APBA2: variants seen among roughly 807,000 people sequenced by gnomAD.
APBA2 encodes amyloid beta precursor protein binding family A member 2, also known as amyloid-beta A4 precursor protein-binding family A member 2.
A neutral mutation model predicts 75.0 loss-of-function variants in APBA2; 30 were observed. That is an observed-to-expected ratio of 0.40 (90% CI 0.30 to 0.54). The LOEUF is 0.54. APBA2 is among the 20% of genes least tolerant of loss of function. APBA2 has a pLI of 0.49. For missense variants in APBA2, 801 were observed against 1,016.1 expected (o/e 0.79, Z 2.88); for synonymous variants, 444 against 409.6 (o/e 1.08, Z -1.01).
At chr15:28,920,598 G>A (rs996066020) in intron 1 of APBA2, among the ~76,000 whole-genome samples, 1 of 152,212 alleles carries the variant, frequency 6.6e-6, no homozygotes, top group Non-Finnish European at 1.5e-5. Context: ...GGGAATAAAT[G>A]TTTGGGTTTA....
chr15:29,027,040 C>A (rs2040257116), intron 3 of APBA2, among the ~76,000 whole-genome samples: 1 of 152,190 alleles, frequency 6.6e-6, no homozygotes, highest in Admixed American at 6.6e-5. Flanking sequence ...GTGCCATCTT[C>A]CCCTTTATGA....
At chr15:29,073,828 T>A (rs1478262965) in intron 4 of APBA2, among the ~76,000 whole-genome samples, 1 of 152,208 alleles carries the variant, frequency 6.6e-6, no homozygotes, top group East Asian at 1.9e-4. Flanking sequence ...CTGGATGATA[T>A]AAGGAACTAA....
chr15:29,074,748 A>C (rs573296173), intron 4 of APBA2, among the ~76,000 whole-genome samples, 173 bp from the exon 5 acceptor site: 1 of 152,126 alleles, frequency 6.6e-6, no homozygotes, highest in Non-Finnish European at 1.5e-5. Context: ...TGAAAATAGA[A>C]TATTAAGTGC....
intron 2 of APBA2, among the ~76,000 whole-genome samples, chr15:28,950,832 A>G (rs962405443): frequency 6.6e-6 from 1 of 152,152 alleles, no homozygotes; most frequent in African/African-American, 2.4e-5. Flanking sequence ...TTATTCAAAC[A>G]TTTACATCAA....
chr15:29,075,111 G>A (rs534053084), intron 5 of APBA2, 110 bp downstream of exon 5: 9 of 865,288 alleles, frequency 1.0e-5, no homozygotes, highest in East Asian at 5.3e-5. Flanking sequence ...CATCCCACCC[G>A]GTGCCTGGGG....
intron 2 of APBA2, among the ~76,000 whole-genome samples, chr15:28,945,348 C>T (rs2035484440): frequency 6.6e-6 from 1 of 152,082 alleles, no homozygotes; most frequent in Non-Finnish European, 1.5e-5. Context: ...CGCAGCTGTC[C>T]AAGGCGCAGG....
intron 3 of APBA2, among the ~76,000 whole-genome samples, chr15:29,017,397 C>CT (rs56993296): frequency 0.026 from 2,648 of 102,040 alleles, 123 homozygotes; most frequent in Non-Finnish European, 0.037. Flanking sequence ...TTCTTTCTTT[C>CT]TTTTTTTTTT....
intron 7 of APBA2, 115 bp downstream of exon 7, chr15:29,093,335 A>G: frequency 6.8e-7 from 1 of 1,464,832 alleles, no homozygotes; most frequent in Non-Finnish European, 9.3e-7. Context: ...AGCCCTCAGC[A>G]CAGGGGGCAG....
intron 6 of APBA2, among the ~76,000 whole-genome samples, chr15:29,081,977 G>A (rs1219019589): frequency 1.3e-5 from 2 of 152,334 alleles, no homozygotes; most frequent in African/African-American, 2.4e-5. Flanking sequence ...GGGGGACAGC[G>A]TACGCTGCTG....
intron 4 of APBA2, among the ~76,000 whole-genome samples, chr15:29,072,197 T>G (rs1317014924): frequency 6.6e-6 from 1 of 152,154 alleles, no homozygotes; most frequent in East Asian, 1.9e-4. Context: ...GTGGGCTGGT[T>G]GATTTCTTTG....
At chr15:29,031,941 T>G (rs544542228) in intron 3 of APBA2, among the ~76,000 whole-genome samples, 4 of 152,356 alleles carry the variant, frequency 2.6e-5, no homozygotes, top group African/African-American at 9.6e-5. Context: ...CAGGATGCTG[T>G]CTTGATACTG....
Position 28,995,750 on chromosome 15 carries a change from CA to C in APBA2, c.-94-2del, listed in dbSNP as rs1227285128. 4 of 152,102 alleles carry C rather than the reference CA, an allele frequency of 2.6e-5. No homozygotes were observed. Among genetic ancestry groups the C allele is most frequent in the African/African-American group, 9.7e-5 (4 of 41,398 alleles). 9.4% of individuals were successfully genotyped at this position (152,102 alleles called of 1,614,324 possible). The stretch of plus-strand genomic sequence containing the variant: ...TTCTCTGTTTTCTTCTGCTTTATTC[CA>C]GAAAGATTTGATCACCAGGAGATTT... On this transcript the variant is annotated splice_acceptor_variant, in intron 2 of 14. Transcript: ENST00000683413. LOFTEE classifies it low-confidence loss of function (5UTR_SPLICE).
At chr15:29,081,277 G>A (rs1041682351) in intron 6 of APBA2, among the ~76,000 whole-genome samples, 2 of 152,166 alleles carry the variant, frequency 1.3e-5, no homozygotes, top group Admixed American at 6.5e-5. Flanking sequence ...GGGGATGGAC[G>A]GGAGGAAGGT....
At chr15:28,942,219 C>T (rs931816740) in intron 2 of APBA2, among the ~76,000 whole-genome samples, 1 of 152,214 alleles carries the variant, frequency 6.6e-6, no homozygotes, top group African/African-American at 2.4e-5. Flanking sequence ...GGCGCTTCGT[C>T]GTGGGAGTGC....
intron 3 of APBA2, among the ~76,000 whole-genome samples, chr15:29,033,959 C>A (rs2040613161): frequency 1.0e-5 from 1 of 97,374 alleles, no homozygotes; most frequent in African/African-American, 5.2e-5. Flanking sequence ...AGTGAGACTC[C>A]ATCTCAAAAA....
intron 2 of APBA2, among the ~76,000 whole-genome samples, chr15:28,931,380 G>A (rs2034555144): frequency 6.6e-6 from 1 of 152,194 alleles, no homozygotes; most frequent in Non-Finnish European, 1.5e-5. Context: ...AGGTTCCAGA[G>A]CTAACTAAAG....
chr15:29,091,952 C>A (rs1361058354), intron 6 of APBA2, among the ~76,000 whole-genome samples: 1 of 152,178 alleles, frequency 6.6e-6, no homozygotes, highest in African/African-American at 2.4e-5. Flanking sequence ...GTGGAAGGGG[C>A]TCTGGCCAGG....
chr15:29,037,662 T>C (rs539610514), intron 3 of APBA2, among the ~76,000 whole-genome samples: 68 of 152,282 alleles, frequency 4.5e-4, no homozygotes, highest in African/African-American at 1.6e-3. Context: ...TGTTTGTCCA[T>C]TTTGTCCTCT....
intron 2 of APBA2, among the ~76,000 whole-genome samples, chr15:28,969,125 T>TCC: frequency 7.3e-6 from 1 of 137,684 alleles, no homozygotes; most frequent in South Asian, 2.4e-4. Context: ...ACCTTTCATT[T>TCC]CTTTTTCTTT....
Sources: gnomAD v4.1 joint callset for allele counts (sites outside exome capture counted in the v4.1 genomes callset) on GRCh38, gnomAD v4.1.1 for gene constraint, MANE v1.5 for transcripts, NCBI Gene and HGNC (gene_info 2026-07-23, HGNC 2026-07-21) for gene names.